ZNF385D: variants seen among roughly 807,000 people sequenced by gnomAD.
ZNF385D encodes the protein zinc finger protein 659.
Under a neutral mutation model 35.8 loss-of-function variants are expected in ZNF385D, and 15 were observed. The ratio of observed to expected loss-of-function variants is 0.42; its 90% CI spans 0.28 to 0.64. The LOEUF is 0.64. Ranked by LOEUF, ZNF385D falls within the 30% of genes least tolerant of loss-of-function variation. The pLI is 0.23. For synonymous variants in ZNF385D, 212 were observed against 186.8 expected (o/e 1.13, Z -1.10); for missense variants, 474 against 494.6 (o/e 0.96, Z 0.39).
At chr3:22,070,848 G>C (rs1057188444) in intron 3 of ZNF385D, among the ~76,000 whole-genome samples, 2 of 152,106 alleles carry the variant, frequency 1.3e-5, no homozygotes, top group Admixed American at 6.6e-5. Context: ...ATTTCAACTG[G>C]CTTCAATTTA....
chr3:22,347,680 T>G (rs942855206), intron 2 of ZNF385D, among the ~76,000 whole-genome samples: 1 of 152,166 alleles, frequency 6.6e-6, no homozygotes, highest in Admixed American at 6.6e-5. Flanking sequence ...GATATGACTG[T>G]TTCACTTTAT....
intron 3 of ZNF385D, among the ~76,000 whole-genome samples, chr3:21,768,281 T>C (rs1010689126): frequency 3.9e-5 from 6 of 152,122 alleles, no homozygotes; most frequent in Non-Finnish European, 5.9e-5. Flanking sequence ...TTATTATTAA[T>C]CATACCTTAA....
chr3:21,614,747 C>T (rs763612507), intron 2 of ZNF385D, among the ~76,000 whole-genome samples: 4 of 152,184 alleles, frequency 2.6e-5, no homozygotes, highest in East Asian at 1.9e-4. Flanking sequence ...TGCCACCTCG[C>T]CCAGCTAATT....
At chr3:21,950,887 T>G (rs1397023031) in intron 3 of ZNF385D, among the ~76,000 whole-genome samples, 5 of 151,682 alleles carry the variant, frequency 3.3e-5, no homozygotes, top group Non-Finnish European at 7.3e-5. Context: ...AGGCCTCTAT[T>G]TTGTTCCATT....
chr3:22,222,374 A>C (rs1698312434), intron 2 of ZNF385D, among the ~76,000 whole-genome samples: 1 of 152,234 alleles, frequency 6.6e-6, no homozygotes, highest in Non-Finnish European at 1.5e-5. Context: ...TGAATGAAAA[A>C]AACTTGTATC....
intron 3 of ZNF385D, among the ~76,000 whole-genome samples, chr3:21,825,060 T>C (rs1694511027): frequency 6.6e-6 from 1 of 152,240 alleles, no homozygotes; most frequent in African/African-American, 2.4e-5. Context: ...TGTAAGATTT[T>C]TCAGTTTGTA....
At chr3:21,950,733 A>AGG (rs956770164) in intron 3 of ZNF385D, among the ~76,000 whole-genome samples, 4 of 151,750 alleles carry the variant, frequency 2.6e-5, no homozygotes, top group Non-Finnish European at 5.9e-5. Context: ...ATAAGGTGTA[A>AGG]GGAAGGGGTC....
At chr3:21,661,205 C>T (rs1290667967) in intron 2 of ZNF385D, among the ~76,000 whole-genome samples, 3 of 152,194 alleles carry the variant, frequency 2.0e-5, no homozygotes, top group East Asian at 1.9e-4. Context: ...ATTTCCCATT[C>T]GAATGCCTGG....
rs1575131815 is a variant in ZNF385D at position 21,431,214 on chromosome 3, C to T, written c.674-5544G>A. ...ATTTAACAAGAATAGTCATATAAAA[C>T]AACATAGCTAGAAAATGCGTCTTGA... is the stretch of plus-strand genomic sequence containing the variant. On this transcript the variant is annotated intron_variant, in intron 5 of 7. Coordinates refer to ENST00000281523, the MANE Select transcript of ZNF385D (RefSeq NM_024697.3). 3 of 152,228 alleles carry T rather than the reference C, an allele frequency of 2.0e-5. No homozygotes were observed. In the East Asian group the frequency reaches 5.8e-4, roughly 29 times the overall value. 9.4% of individuals were successfully genotyped at this position (152,228 alleles called of 1,614,324 possible).
At chr3:21,890,189 G>A (rs1253740923) in intron 3 of ZNF385D, among the ~76,000 whole-genome samples, 1 of 152,102 alleles carries the variant, frequency 6.6e-6, no homozygotes, top group Non-Finnish European at 1.5e-5. Flanking sequence ...GGTTATATAA[G>A]CAAGAGAGGG....
chr3:22,222,704 G>C (rs934404253), intron 2 of ZNF385D, among the ~76,000 whole-genome samples: 44 of 152,136 alleles, frequency 2.9e-4, no homozygotes, highest in African/African-American at 1.0e-3. Context: ...AAAGCCAAAT[G>C]AAAGAACGGA....
intron 2 of ZNF385D, among the ~76,000 whole-genome samples, chr3:22,333,986 G>C (rs1402446394): frequency 6.6e-6 from 1 of 152,122 alleles, no homozygotes; most frequent in African/African-American, 2.4e-5. Context: ...GTATTTTATA[G>C]TTACATTCAG....
At chr3:22,119,584 C>G (rs917678660) in intron 3 of ZNF385D, among the ~76,000 whole-genome samples, 5 of 152,112 alleles carry the variant, frequency 3.3e-5, no homozygotes, top group Non-Finnish European at 5.9e-5. Flanking sequence ...TTTTGAGTCA[C>G]TGTCTCTCCC....
intron 3 of ZNF385D, among the ~76,000 whole-genome samples, chr3:21,774,798 T>C (rs1016112634): frequency 2.3e-4 from 35 of 152,028 alleles, no homozygotes; most frequent in African/African-American, 7.5e-4. Context: ...ACTTTAAAGA[T>C]GTCCAGCTTA....
chr3:22,258,884 A>G (rs938279786), intron 2 of ZNF385D, among the ~76,000 whole-genome samples: 1 of 151,834 alleles, frequency 6.6e-6, no homozygotes, highest in Admixed American at 6.6e-5. Context: ...TCAATCTGCT[A>G]TAATATATTG....
chr3:21,590,996 A>T (rs1318597308), intron 2 of ZNF385D, among the ~76,000 whole-genome samples: 1 of 151,928 alleles, frequency 6.6e-6, no homozygotes, highest in Non-Finnish European at 1.5e-5. Context: ...GAAGTTTGAG[A>T]CCAGCCTGGG....
At chr3:21,845,444 T>C (rs889427718) in intron 3 of ZNF385D, among the ~76,000 whole-genome samples, 2 of 151,946 alleles carry the variant, frequency 1.3e-5, no homozygotes, top group Non-Finnish European at 2.9e-5. Flanking sequence ...TCTCTTTAAA[T>C]CCCTTTTCAG....
chr3:21,818,340 G>C (rs945325735), intron 3 of ZNF385D, among the ~76,000 whole-genome samples: 2 of 152,056 alleles, frequency 1.3e-5, no homozygotes, highest in Admixed American at 6.6e-5. Context: ...AATAACAAAA[G>C]ATACTTAAGA....
intron 2 of ZNF385D, among the ~76,000 whole-genome samples, chr3:22,293,934 ATAC>A (rs1485724366): frequency 6.6e-6 from 1 of 151,954 alleles, no homozygotes; most frequent in Non-Finnish European, 1.5e-5. Context: ...TACTTCCTAC[ATAC>A]TTGTTCATTT....
Sources: allele counts gnomAD v4.1 joint callset (sites outside exome capture counted in the v4.1 genomes callset), GRCh38; gene constraint gnomAD v4.1.1; transcripts MANE v1.5; gene names NCBI Gene and HGNC (gene_info 2026-07-23, HGNC 2026-07-21).